Variants in AMZ1 observed in about 807,000 individuals in gnomAD.
AMZ1 encodes archaemetzincin-1.
In AMZ1, 39 loss-of-function variants were observed where a neutral mutation model predicts 29.9. The ratio of observed to expected loss-of-function variants is 1.30; its 90% confidence interval spans 1.01 to 1.70. AMZ1 has a LOEUF of 1.70. Ranked by LOEUF, AMZ1 falls within the 40% of genes most tolerant of loss-of-function variation. The pLI is 0.00. For missense variants in AMZ1, 1,041 were observed against 680.6 expected, an observed-to-expected ratio of 1.53 and a Z score of -5.89; for synonymous variants, 458 against 304.0, an observed-to-expected ratio of 1.51 and a Z score of -5.27.
intron 4 of AMZ1, among the ~76,000 whole-genome samples, chr7:2,747,528 A>G (rs1055375069): frequency 6.6e-6 from 1 of 152,224 alleles, no homozygotes; most frequent in Admixed American, 6.5e-5. Context: ...TCTCAAAATA[A>G]TAAGAGCTAT....
Position 2,744,807 on chromosome 7 carries a change from T to C in AMZ1, n.551-19905T>C, listed in dbSNP as rs1441628740. Among the ~76,000 whole-genome samples the C allele has an allele frequency of 2.6e-5, 4 of 151,984 alleles. No individual in the cohort carries two copies. The East Asian group carries it at 7.7e-4, about 29-fold the overall frequency. On this transcript the variant is annotated intron_variant and non_coding_transcript_variant, in intron 4 of 4. Transcript: ENST00000489665. ...ACAAATGGATAACTAGAATAACCAATGCAGAGAAGTCCTTAAAGGACCTGA... is the reference window on the plus strand; with the variant it reads ...ACAAATGGATAACTAGAATAACCAACGCAGAGAAGTCCTTAAAGGACCTGA...
intron 1 of AMZ1, among the ~76,000 whole-genome samples, chr7:2,694,408 C>T (rs1787582849): frequency 6.6e-6 from 1 of 152,182 alleles, no homozygotes; most frequent in African/African-American, 2.4e-5. Flanking sequence ...GTAGGCAGCA[C>T]ACTGTAGGAC....
intron 4 of AMZ1, among the ~76,000 whole-genome samples, chr7:2,736,733 A>G (rs1034320356): frequency 6.6e-6 from 1 of 152,200 alleles, no homozygotes; most frequent in African/African-American, 2.4e-5. Flanking sequence ...CGGTGGGAGA[A>G]AGACACACGC....
intron 3 of AMZ1, among the ~76,000 whole-genome samples, chr7:2,703,146 C>CT (rs1042879435): frequency 7.9e-5 from 12 of 152,086 alleles, no homozygotes; most frequent in Non-Finnish European, 1.8e-4. Flanking sequence ...GCGAGCCCTT[C>CT]TTTTTTTGTT....
upstream of AMZ1, among the ~76,000 whole-genome samples, chr7:2,684,980 C>G (rs1562352306): frequency 6.6e-6 from 1 of 151,740 alleles, no homozygotes; most frequent in Non-Finnish European, 1.5e-5. Flanking sequence ...CGCCATTCTC[C>G]TGCCTCAGCC....
chr7:2,679,646 C>T (rs1295426647), exon 1 of AMZ1: 1 of 152,336 alleles, frequency 6.6e-6, no homozygotes. Flanking sequence ...AGCCTGCACT[C>T]CTGGGCGAAG....
chr7:2,710,972 T>C (rs1226857979), intron 6 of AMZ1, among the ~76,000 whole-genome samples: 1 of 152,200 alleles, frequency 6.6e-6, no homozygotes, highest in Non-Finnish European at 1.5e-5. Context: ...GGTTGAGAGC[T>C]CTCATTTGAT....
chr7:2,682,219 C>G (rs575726534), intron 1 of AMZ1, among the ~76,000 whole-genome samples: 14 of 151,782 alleles, frequency 9.2e-5, no homozygotes, highest in South Asian at 2.1e-4. Flanking sequence ...GGCCTCCCCC[C>G]GCTCTTCGTG....
intron 4 of AMZ1, among the ~76,000 whole-genome samples, chr7:2,757,198 C>T (rs1436424388): frequency 1.5e-5 from 2 of 137,190 alleles, no homozygotes; most frequent in South Asian, 2.3e-4. Context: ...TGTAGTGGCA[C>T]GATCTTGGCT....
At chr7:2,751,516 A>T (rs1791039887) in intron 4 of AMZ1, among the ~76,000 whole-genome samples, 1 of 152,194 alleles carries the variant, frequency 6.6e-6, no homozygotes, top group Non-Finnish European at 1.5e-5. Flanking sequence ...CAGGAGAAAG[A>T]AAATAACAAA....
At chr7:2,726,637 A>G (rs561875570) in intron 4 of AMZ1, among the ~76,000 whole-genome samples, 20 of 152,102 alleles carry the variant, frequency 1.3e-4, no homozygotes, top group African/African-American at 4.8e-4. Flanking sequence ...TGCCTTTCCC[A>G]CTTGTGGTCA....
At position 2,717,092 on chromosome 7, in the gene AMZ1, T is replaced by C. The variant is rs1195979640; in HGVS notation, c.*4214T>C. On this transcript the variant is annotated 3_prime_UTR_variant, in exon 7 of 7. Transcript: ENST00000683327. ...CACCGGCACCCACGCCCCTCGGTTCTGATAACCAGGAGGCTTTCTGGCCCG... is the reference window on the plus strand; with the variant it reads ...CACCGGCACCCACGCCCCTCGGTTCCGATAACCAGGAGGCTTTCTGGCCCG... Among the ~76,000 whole-genome samples the C allele has an allele frequency of 1.3e-5, 2 of 152,204 alleles. No individual in the cohort carries two copies. Among genetic ancestry groups the C allele is most frequent in the Non-Finnish European group, 2.9e-5 (2 of 68,044 alleles).
At chr7:2,744,591 A>C (rs899739871) in intron 4 of AMZ1, among the ~76,000 whole-genome samples, 2 of 152,346 alleles carry the variant, frequency 1.3e-5, no homozygotes, top group East Asian at 3.9e-4. Flanking sequence ...GAAAAACTGG[A>C]AACTCTAAAA....
upstream of AMZ1, among the ~76,000 whole-genome samples, chr7:2,761,216 C>G (rs998446390): frequency 6.6e-6 from 1 of 152,336 alleles, no homozygotes; most frequent in Non-Finnish European, 1.5e-5. Context: ...AGCACAGCAG[C>G]CCCGGCTCTG....
At chr7:2,710,308 C>T (rs149095294) in intron 6 of AMZ1, among the ~76,000 whole-genome samples, 284 of 152,276 alleles carry the variant, frequency 1.9e-3, no homozygotes, top group South Asian at 8.1e-3. Context: ...GCAAAGGGCT[C>T]GTCCGTATTC....
chr7:2,708,504 A>T, intron 3 of AMZ1, 84 bp from the exon 4 acceptor site: 1 of 1,578,278 alleles, frequency 6.3e-7, no homozygotes, highest in Non-Finnish European at 8.6e-7. Flanking sequence ...GCAGAGGAAG[A>T]GGATGACGGG....
intron 2 of AMZ1, among the ~76,000 whole-genome samples, chr7:2,701,844 C>A (rs115999735): frequency 6.6e-6 from 1 of 152,220 alleles, no homozygotes; most frequent in Non-Finnish European, 1.5e-5. Context: ...TGCGGGTGTC[C>A]GTTGGTCTCA....
At chr7:2,726,505 C>T (rs146403521) in intron 4 of AMZ1, among the ~76,000 whole-genome samples, 1 of 152,162 alleles carries the variant, frequency 6.6e-6, no homozygotes, top group African/African-American at 2.4e-5. Context: ...GACTGTGTCC[C>T]CAGGGCAGAG....
rs374755772 is a variant in AMZ1, at chr7:2,711,119, G to T, written c.949-1211G>T. Among the ~76,000 whole-genome samples the T allele has an allele frequency of 2.6e-3, 398 of 152,266 alleles. 3 individuals carry two copies. Among genetic ancestry groups the T allele is most frequent in the African/African-American group, 9.4e-3 (390 of 41,566 alleles). ...AGGGTGTAGCTCCTCCTCCTGCCCA[G>T]AGCTCTCTCCGTTCCGTGAGCACCA... On this transcript the variant is annotated intron_variant, in intron 6 of 6. Transcript: ENST00000683327.
Sources: gnomAD v4.1 joint callset for allele counts (sites outside exome capture counted in the v4.1 genomes callset) on GRCh38, gnomAD v4.1.1 for gene constraint, MANE v1.5 for transcripts, NCBI Gene and HGNC (gene_info 2026-07-23, HGNC 2026-07-21) for gene names.